Variants in GRM5 observed in about 807,000 individuals in gnomAD.
GRM5 encodes metabotropic glutamate receptor 5.
GRM5 carries 19 observed loss-of-function variants against 83.1 expected under a neutral mutation model. That is an observed-to-expected ratio of 0.23 (90% CI 0.16 to 0.34). GRM5 has a LOEUF of 0.34. Ranked by LOEUF, GRM5 falls within the 10% of genes least tolerant of loss-of-function variation. GRM5 has a pLI of 1.00. For missense variants in GRM5, 1,160 were observed against 1,588.3 expected (o/e 0.73, Z 4.58); for synonymous variants, 675 against 633.6 (o/e 1.07, Z -0.98).
At position 88,590,536 on chromosome 11, in the gene GRM5, C is replaced by G. The variant is rs369762463; in HGVS notation, c.1690+65G>C. 122 of 1,326,196 alleles carry G rather than the reference C, an allele frequency of 9.2e-5. 1 individual carries two copies. The Middle Eastern group carries it at 2.2e-3, about 24-fold the overall frequency. 82.2% of individuals were successfully genotyped at this position (1,326,196 alleles called of 1,614,324 possible). ...GATGAGTAACGCTTGGGGATGTGAC[C>G]CCCCTCTCCCACGTCTGCACCATTT... On this transcript the variant is annotated intron_variant, in intron 7 of 9. Transcript: ENST00000305447.
At chr11:88,851,890 T>C (rs571025314) in intron 2 of GRM5, among the ~76,000 whole-genome samples, 14 of 152,316 alleles carry the variant, frequency 9.2e-5, no homozygotes, top group African/African-American at 3.4e-4. Context: ...CTAGTTATTT[T>C]GCAATTAACA....
intron 3 of GRM5, among the ~76,000 whole-genome samples, chr11:88,748,404 T>A (rs964162240): frequency 6.6e-6 from 1 of 152,094 alleles, no homozygotes; most frequent in Non-Finnish European, 1.5e-5. Flanking sequence ...TGGCTTGGAA[T>A]CCTAGGCAGC....
chr11:88,669,006 T>G (rs1940124355), intron 3 of GRM5, among the ~76,000 whole-genome samples: 1 of 152,146 alleles, frequency 6.6e-6, no homozygotes, highest in African/African-American at 2.4e-5. Flanking sequence ...GTATGTAGCT[T>G]CCTCAAAATA....
intron 4 of GRM5, among the ~76,000 whole-genome samples, chr11:88,609,751 T>C (rs1938264018): frequency 1.3e-5 from 2 of 152,232 alleles, no homozygotes; most frequent in Non-Finnish European, 2.9e-5. Flanking sequence ...GTTCTATGCG[T>C]CAATTTTTGT....
intron 2 of GRM5, among the ~76,000 whole-genome samples, chr11:88,908,551 G>A (rs1015911012): frequency 7.2e-5 from 11 of 152,042 alleles, no homozygotes; most frequent in African/African-American, 2.7e-4. Flanking sequence ...ACTGCTCAAA[G>A]CATAAAAATA....
Position 88,597,219 on chromosome 11 carries a change from C to G in GRM5, c.1528G>C (p.Val510Leu). The stretch of plus-strand genomic sequence containing the variant: ...CCTTTCTCACATGGTTCACTGCACA[C>G]AGATCTGATGATGTTGCTTTTCTTG... ...WSKKSNIIRS[V>L]CSEPCEKGQI... Residue 510 changes from valine (V) to leucine (L), a missense_variant, in exon 6 of 10, where the codon GTG (valine) becomes CTG (leucine). Val to Leu is a conservative substitution (Grantham distance 32, BLOSUM62 1). This residue lies in a region of GRM5 where 132 missense variants were observed against 245.5 expected (regional missense o/e 0.54). Transcript: ENST00000305447. 3.7e-6 allele frequency: 6 copies of G among 1,608,316 alleles called. No homozygotes were observed. The highest frequency in any genetic ancestry group is 4.2e-6 in the Non-Finnish European group (5 of 1,177,098).
intron 3 of GRM5, among the ~76,000 whole-genome samples, chr11:88,771,547 C>T (rs569197787): frequency 2.2e-4 from 34 of 152,176 alleles, no homozygotes; most frequent in African/African-American, 7.7e-4. Flanking sequence ...AGCAAGCAAG[C>T]TTCTCCCACC....
At chr11:88,708,864 C>G (rs1941219661) in intron 3 of GRM5, among the ~76,000 whole-genome samples, 1 of 151,972 alleles carries the variant, frequency 6.6e-6, no homozygotes. Flanking sequence ...AAAAAAATTC[C>G]TAGGAGCCTA....
At chr11:88,796,464 A>G (rs1478738006) in intron 3 of GRM5, among the ~76,000 whole-genome samples, 1 of 152,224 alleles carries the variant, frequency 6.6e-6, no homozygotes, top group East Asian at 1.9e-4. Context: ...ATAATTTAAA[A>G]TATACATATG....
chr11:88,984,670 C>A (rs1394272504), intron 2 of GRM5: 1 of 516,544 alleles, frequency 1.9e-6, no homozygotes, highest in Non-Finnish European at 3.6e-6. Context: ...ACTTGTAAGA[C>A]CTATATATTT....
At chr11:88,549,210 T>G (rs1040500126) in intron 8 of GRM5, among the ~76,000 whole-genome samples, 2 of 152,014 alleles carry the variant, frequency 1.3e-5, no homozygotes, top group Non-Finnish European at 2.9e-5. Flanking sequence ...ATGCCTGTAA[T>G]CCCAGCAATT....
intron 3 of GRM5, among the ~76,000 whole-genome samples, chr11:88,798,613 T>C (rs1565235994): frequency 2.0e-5 from 3 of 151,878 alleles, no homozygotes; most frequent in African/African-American, 4.8e-5. Flanking sequence ...TTTAACGATA[T>C]TGGTCTGGAA....
At chr11:88,896,311 G>A (rs1469186797) in intron 2 of GRM5, among the ~76,000 whole-genome samples, 9 of 151,696 alleles carry the variant, frequency 5.9e-5, no homozygotes, top group African/African-American at 9.7e-5. Context: ...GAAAGGCATC[G>A]TATCATAAAT....
At chr11:88,869,529 C>A (rs1944726516) in intron 2 of GRM5, among the ~76,000 whole-genome samples, 1 of 151,270 alleles carries the variant, frequency 6.6e-6, no homozygotes, top group African/African-American at 2.4e-5. Flanking sequence ...AATTGTAAGG[C>A]ATAAATTTTT....
intron 8 of GRM5, among the ~76,000 whole-genome samples, chr11:88,525,851 T>A (rs928245463): frequency 1.3e-5 from 2 of 152,220 alleles, no homozygotes; most frequent in African/African-American, 4.8e-5. Context: ...ATTTTACTGA[T>A]GAAGAAACCT....
chr11:88,780,183 C>G (rs549032849), intron 3 of GRM5, among the ~76,000 whole-genome samples: 3 of 152,160 alleles, frequency 2.0e-5, no homozygotes, highest in Non-Finnish European at 4.4e-5. Context: ...CAATCATATC[C>G]TTAATAGCTG....
intron 3 of GRM5, among the ~76,000 whole-genome samples, chr11:88,817,925 T>C (rs557845150): frequency 8.5e-5 from 13 of 152,154 alleles, no homozygotes; most frequent in Non-Finnish European, 5.9e-5. Context: ...CATGTTACAC[T>C]GCTTCCCTAA....
At chr11:88,771,585 C>G (rs1355108463) in intron 3 of GRM5, among the ~76,000 whole-genome samples, 1 of 152,060 alleles carries the variant, frequency 6.6e-6, no homozygotes, top group Non-Finnish European at 1.5e-5. Flanking sequence ...TTCTAATGGG[C>G]GCTGGATGGT....
intron 4 of GRM5, among the ~76,000 whole-genome samples, chr11:88,616,910 G>A (rs1221041178): frequency 6.6e-6 from 1 of 152,088 alleles, no homozygotes. Flanking sequence ...TAGAGACAAG[G>A]ATTCTGTGTT....
Sources: allele counts gnomAD v4.1 joint callset (sites outside exome capture counted in the v4.1 genomes callset), GRCh38; gene constraint gnomAD v4.1.1; regional missense constraint gnomAD v4.1.1; transcripts MANE v1.5; gene names NCBI Gene and HGNC (gene_info 2026-07-23, HGNC 2026-07-21).